The following NOXA1 variants were observed in gnomAD, a reference collection of about 807,000 sequenced individuals.
The protein encoded by NOXA1 is NCF2-like protein.
A neutral mutation model predicts 64.8 loss-of-function variants in NOXA1; 56 were observed. That is an observed-to-expected ratio of 0.86 (90% confidence interval 0.70 to 1.08). NOXA1 has a LOEUF of 1.08. NOXA1 is among the 50% of genes least tolerant of loss of function. The probability of loss-of-function intolerance (pLI) is 0.00; values close to 1 mark genes in which losing one functional copy is unlikely to be tolerated. For synonymous variants in NOXA1, 295 were observed against 294.8 expected, an observed-to-expected ratio of 1.00 and a Z score of -0.01; for missense variants, 668 against 658.5, an observed-to-expected ratio of 1.01 and a Z score of -0.16.
At position 137,433,525 on chromosome 9, in the gene NOXA1, G is replaced by A; in HGVS notation, c.982G>A (p.Ala328Thr). 6.3e-7 allele frequency: 1 copy of A among 1,596,026 alleles called. No individual in the cohort carries two copies. Among genetic ancestry groups the A allele is most frequent in the South Asian group, 1.1e-5 (1 of 88,490 alleles). ...VQCAFTVALR[A>T]RRGADLSSLR... ...GTGCGCCTTCACAGTGGCCCTGAGG[G>A]CACGAAGAGGAGCCGACCTGTCCAG... Residue 328 changes from alanine to threonine, a missense_variant, in exon 11 of 14, where the codon GCA becomes ACA. Coordinates refer to ENST00000683555, the MANE Select transcript of NOXA1 (RefSeq NM_001256067.2).
At chr9:137,433,411 TG>T in intron 10 of NOXA1, 41 bp from the exon 11 acceptor site, 1 of 1,565,430 alleles carries the variant, frequency 6.4e-7, no homozygotes. Context: ...GACCAGGCCC[TG>T]GGCCTCAGCG....
intron 5 of NOXA1, among the ~76,000 whole-genome samples, chr9:137,430,027 C>A (rs1214199342): frequency 8.3e-6 from 1 of 119,860 alleles, no homozygotes; most frequent in African/African-American, 3.5e-5. Context: ...GGGGGGGTGC[C>A]TGTGTCTCTG....
chr9:137,428,240 C>A, intron 3 of NOXA1, 99 bp downstream of exon 3: 1 of 843,792 alleles, frequency 1.2e-6, no homozygotes. Context: ...GCGCCTCTGG[C>A]CGAAGCTCTT....
In NOXA1 at chr9:137,430,783, G is replaced by C. The variant is rs1250721856; in HGVS notation, c.613-1G>C. 1 of 1,594,586 alleles carries C rather than the reference G, an allele frequency of 6.3e-7. No individual in the cohort carries two copies. Among genetic ancestry groups the C allele is most frequent in the Admixed American group, 1.7e-5 (1 of 58,956 alleles). On this transcript the variant is annotated splice_acceptor_variant, in intron 5 of 13. Transcript: ENST00000683555. LOFTEE classifies it high-confidence loss of function. ...CCCAGCGTCCCCACTGTCCCCGCCA[G>C]GTGGTGGCCTCTGCCATCCCCGACG...
chr9:137,434,260 G>T lies in NOXA1; in HGVS notation c.1331G>T (p.Arg444Leu), dbSNP rs141159188. ...TGGCTGGAGGGCCACTGTGACGGCC[G>T]CATCGGCATCTTCCCCAAGTGCTTC... is the stretch of plus-strand genomic sequence containing the variant. ...QAWLEGHCDGRIGIFPKCFVV... is the reference protein window; with the variant it reads ...QAWLEGHCDGLIGIFPKCFVV... The change falls in exon 14 of 14, where the codon CGC becomes CTC. Residue 444 changes from arginine (R) to leucine (L), a missense_variant. Coordinates refer to ENST00000683555, the MANE Select transcript of NOXA1 (RefSeq NM_001256067.2). 2.5e-6 allele frequency: 4 copies of T among 1,610,736 alleles called. No homozygotes were observed. The highest frequency in any genetic ancestry group is 2.5e-6 in the Non-Finnish European group (3 of 1,179,538).
chr9:137,429,486 C>T, intron 5 of NOXA1, 103 bp downstream of exon 5: 3 of 826,616 alleles, frequency 3.6e-6, no homozygotes, highest in Non-Finnish European at 5.7e-6. Context: ...CCGTAAGGGC[C>T]AGGAGGGTAG....
chr9:137,429,478 G>A (rs1460798953), intron 5 of NOXA1, 95 bp downstream of exon 5: 41 of 875,510 alleles, frequency 4.7e-5, no homozygotes, highest in South Asian at 2.0e-4. Flanking sequence ...CCAGGCCACC[G>A]TAAGGGCCAG....
intron 5 of NOXA1, 148 bp from the exon 6 acceptor site, chr9:137,430,636 G>C (rs900518246): frequency 1.7e-6 from 1 of 597,732 alleles, no homozygotes; most frequent in Non-Finnish European, 2.9e-6. Context: ...TTCCCTCCAT[G>C]GTGGTCTGGC....
intron 2 of NOXA1, among the ~76,000 whole-genome samples, chr9:137,427,383 C>G (rs1288186370): frequency 6.6e-6 from 1 of 152,236 alleles, no homozygotes; most frequent in Non-Finnish European, 1.5e-5. Context: ...CACCTTCTAA[C>G]AAGATCCATC....
Position 137,431,180 on chromosome 9 carries a change from G to A in NOXA1, c.699-56G>A, listed in dbSNP as rs1283824102. On this transcript the variant is annotated intron_variant, in intron 7 of 13. Coordinates refer to ENST00000683555, the MANE Select transcript of NOXA1 (RefSeq NM_001256067.2). The surrounding 1 kb of genome is among the most constrained non-coding windows in gnomAD (Gnocchi z 5.6). The stretch of plus-strand genomic sequence containing the variant: ...CCCTCCACATGGGGCCACGCGGGCC[G>A]GGCACAGGAGGGCAGTCAGATGGGC... 67 of 1,609,126 alleles carry A rather than the reference G, an allele frequency of 4.2e-5. No individual in the cohort carries two copies. The highest frequency in any genetic ancestry group is 5.4e-5 in the Non-Finnish European group (64 of 1,177,194).
chr9:137,429,359 C>G lies in NOXA1; in HGVS notation c.588C>G (p.Pro196=). Residue 196 remains proline, a synonymous_variant, in exon 5 of 14, where the codon CCC becomes CCG. Coordinates refer to ENST00000683555, the MANE Select transcript of NOXA1 (RefSeq NM_001256067.2). The part of the protein sequence containing the change: ...PHRWHLKHLE[P]VDFLGKAKVV... ...GGTGGCACCTGAAGCACTTGGAGCCCGTGGATTTCCTGGGCAAGGCCAAGG... is the reference window on the plus strand; with the variant it reads ...GGTGGCACCTGAAGCACTTGGAGCCGGTGGATTTCCTGGGCAAGGCCAAGG... The G allele has an allele frequency of 6.3e-7, 1 of 1,582,346 alleles. No individual in the cohort carries two copies. Among genetic ancestry groups the G allele is most frequent in the Non-Finnish European group, 8.6e-7 (1 of 1,165,348 alleles).
chr9:137,425,064 G>A (rs1280781868), intron 1 of NOXA1, among the ~76,000 whole-genome samples: 1 of 152,214 alleles, frequency 6.6e-6, no homozygotes, highest in Non-Finnish European at 1.5e-5. Flanking sequence ...CAGACAGGTG[G>A]GTTCTGCTGG....
intron 3 of NOXA1, 126 bp from the exon 4 acceptor site, chr9:137,428,756 G>T (rs1838953102): frequency 9.3e-6 from 8 of 863,236 alleles, no homozygotes; most frequent in South Asian, 5.5e-5. Flanking sequence ...GGATGGGGGA[G>T]GGGCCAGGTG....
chr9:137,429,604 AG>A (rs1839000921), intron 5 of NOXA1, among the ~76,000 whole-genome samples: 1 of 152,058 alleles, frequency 6.6e-6, no homozygotes, highest in South Asian at 2.1e-4. Flanking sequence ...GCTGCATAGG[AG>A]GGGGCTCCAG....
intron 8 of NOXA1, 81 bp from the exon 9 acceptor site, chr9:137,432,948 C>T (rs1478742115): frequency 2.7e-6 from 4 of 1,487,738 alleles, no homozygotes; most frequent in Non-Finnish European, 3.7e-6. Flanking sequence ...AGGCCACACC[C>T]TTGGTGTGGG....
rs1465340521 is a variant in NOXA1 at position 137,428,883 on chromosome 9, T to A, written c.371T>A (p.Val124Glu). ...CCATCACCTTGGCCCCACTCCCAGG[T>A]GCTACACAATGTGGCGTCGGCACAG... ...GLRFKLQAWE[V>E]LHNVASAQCQ... is the part of the protein sequence containing the mutation. The change falls in exon 4 of 14, where the codon GTG (valine) becomes GAG (glutamate). Residue 124 changes from valine (V) to glutamate (E), a missense_variant and splice_region_variant. By Grantham distance (121) the Val-to-Glu change is moderately radical. Coordinates refer to ENST00000683555, the MANE Select transcript of NOXA1 (RefSeq NM_001256067.2). 1.3e-6 allele frequency: 2 copies of A among 1,577,612 alleles called. No individual in the cohort carries two copies. Among genetic ancestry groups the A allele is most frequent in the East Asian group, 2.3e-5 (1 of 42,748 alleles).
chr9:137,433,352 C>T, intron 10 of NOXA1, 89 bp downstream of exon 10: 4 of 1,489,276 alleles, frequency 2.7e-6, no homozygotes, highest in East Asian at 2.4e-5. Context: ...TGCAAGCCCC[C>T]CTCACCTGCC....
In NOXA1 at chr9:137,431,483, T is replaced by C; in HGVS notation, c.804+142T>C. ...ACGGGGCCGGGCTCACCCGTGGTCC[T>C]GGCCCAGCCCAGCCAGATGGGAGGA... On this transcript the variant is annotated intron_variant, in intron 8 of 13. Transcript: ENST00000683555. The surrounding 1 kb of genome is among the most constrained non-coding windows in gnomAD (Gnocchi z 5.6). 1 of 704,678 alleles carries C rather than the reference T, an allele frequency of 1.4e-6. No homozygotes were observed. The highest frequency in any genetic ancestry group is 2.4e-6 in the Non-Finnish European group (1 of 416,794). 43.7% of individuals were successfully genotyped at this position (704,678 alleles called of 1,614,324 possible). A position where few individuals can be genotyped will look rare whatever the true frequency, so the allele number is the denominator to read the frequency against.
rs569979187 is a variant in NOXA1 at position 137,428,898 on chromosome 9, C to T, written c.386C>T (p.Ala129Val). Reference protein sequence around the residue: ...LQAWEVLHNVASAQCQLGLWT... With the variant: ...LQAWEVLHNVVSAQCQLGLWT... The stretch of plus-strand genomic sequence containing the variant: ...CACTCCCAGGTGCTACACAATGTGG[C>T]GTCGGCACAGTGCCAGCTGGGGCTC... Residue 129 changes from alanine (A) to valine (V), a missense_variant, in exon 4 of 14, where the codon GCG (alanine) becomes GTG (valine). Transcript: ENST00000683555. 1.4e-5 allele frequency: 22 copies of T among 1,587,648 alleles called. No individual in the cohort carries two copies. The highest frequency in any genetic ancestry group is 1.0e-4 in the South Asian group (9 of 87,316).
Sources: gnomAD v4.1 joint callset for allele counts (sites outside exome capture counted in the v4.1 genomes callset) on GRCh38, gnomAD v4.1.1 for gene constraint, Gnocchi (gnomAD v3.1) non-coding constraint, MANE v1.5 for transcripts, NCBI Gene and HGNC (gene_info 2026-07-23, HGNC 2026-07-21) for gene names.